OSER1: variants seen among roughly 807,000 people sequenced by gnomAD.
OSER1 encodes the protein oxidative stress-responsive serine-rich protein 1.
Under a neutral mutation model 26.3 loss-of-function variants are expected in OSER1, and 15 were observed. That is an observed-to-expected ratio of 0.57 (90% CI 0.38 to 0.88). The LOEUF is 0.88. OSER1 is among the 40% of genes least tolerant of loss of function. OSER1 has a pLI of 0.00. For missense variants in OSER1, 313 were observed against 353.9 expected, an observed-to-expected ratio of 0.88 and a Z score of 0.93; for synonymous variants, 127 against 128.2, an observed-to-expected ratio of 0.99 and a Z score of 0.07.
intron 3 of OSER1, among the ~76,000 whole-genome samples, chr20:44,200,758 A>G (rs1165797592): frequency 6.6e-6 from 1 of 152,242 alleles, no homozygotes; most frequent in Non-Finnish European, 1.5e-5. Context: ...TCCACATAAG[A>G]GACACTCTGT....
chr20:44,198,679 A>G (rs2072949669), intron 3 of OSER1, among the ~76,000 whole-genome samples: 1 of 152,146 alleles, frequency 6.6e-6, no homozygotes, highest in Admixed American at 6.5e-5. Context: ...GAATGAAAAG[A>G]AAAGATACTC....
At chr20:44,208,422 T>TAA (rs3037689) in intron 1 of OSER1, among the ~76,000 whole-genome samples, 199 of 131,382 alleles carry the variant, frequency 1.5e-3, no homozygotes, top group Middle Eastern at 0.011. Context: ...ATTCAGCTAC[T>TAA]AAAAAAAAAA....
intron 2 of OSER1, among the ~76,000 whole-genome samples, chr20:44,206,573 C>A (rs1413891883): frequency 6.6e-6 from 1 of 152,162 alleles, no homozygotes; most frequent in African/African-American, 2.4e-5. Context: ...GATAAAATCC[C>A]TAGTGGGACA....
chr20:44,202,078 G>A (rs950420502), intron 3 of OSER1, among the ~76,000 whole-genome samples: 4 of 152,124 alleles, frequency 2.6e-5, no homozygotes, highest in Non-Finnish European at 2.9e-5. Flanking sequence ...AACACAGAAC[G>A]CTTGAAAGAC....
chr20:44,198,185 A>C (rs567103455), intron 3 of OSER1, among the ~76,000 whole-genome samples: 22 of 152,348 alleles, frequency 1.4e-4, no homozygotes, highest in African/African-American at 5.3e-4. Context: ...TTATGCCATT[A>C]CTATTAAATA....
intron 1 of OSER1, among the ~76,000 whole-genome samples, chr20:44,207,909 T>C (rs2073054842): frequency 6.6e-6 from 1 of 152,222 alleles, no homozygotes; most frequent in Middle Eastern, 3.2e-3. Context: ...AGAAGTCTGT[T>C]AATAAACCCT....
At chr20:44,204,844 T>TC (rs2073022899) in intron 2 of OSER1, among the ~76,000 whole-genome samples, 1 of 148,138 alleles carries the variant, frequency 6.8e-6, no homozygotes, top group Admixed American at 6.8e-5. Flanking sequence ...TAATTTTACT[T>TC]TTTTTTTTTT....
rs1208258154 is a variant in OSER1, at chr20:44,196,098, T to A, written c.*954A>T. On this transcript the variant is annotated 3_prime_UTR_variant, in exon 4 of 4. Coordinates refer to ENST00000255174, the MANE Select transcript of OSER1 (RefSeq NM_016470.8). ...TTGGAGCCACCTGAAAAACAAGGAT[T>A]CATCATCCAGCTGAAACCGAAGACA... is the stretch of plus-strand genomic sequence containing the variant. Among the ~76,000 whole-genome samples the A allele has an allele frequency of 6.6e-6, 1 of 152,134 alleles. No individual in the cohort carries two copies. Among genetic ancestry groups the A allele is most frequent in the African/African-American group, 2.4e-5 (1 of 41,416 alleles).
At chr20:44,204,788 T>A (rs1024785992) in intron 2 of OSER1, among the ~76,000 whole-genome samples, 6 of 152,166 alleles carry the variant, frequency 3.9e-5, no homozygotes, top group African/African-American at 1.2e-4. Flanking sequence ...TTTTGAAAAA[T>A]TTTTAAATAA....
chr20:44,209,685 C>T (rs1207706681), intron 1 of OSER1, among the ~76,000 whole-genome samples: 7 of 152,194 alleles, frequency 4.6e-5, no homozygotes, highest in Non-Finnish European at 1.0e-4. Flanking sequence ...CAAAGTTCTT[C>T]TAAGTTCCTC....
chr20:44,211,011 C>T (rs1340854977), upstream of OSER1: 1 of 152,378 alleles, frequency 6.6e-6, no homozygotes, highest in Non-Finnish European at 1.5e-5. Context: ...CGGTTTGCCT[C>T]CTCCCAGTGG....
intron 3 of OSER1, among the ~76,000 whole-genome samples, chr20:44,200,269 G>C (rs2072967099): frequency 6.6e-6 from 1 of 152,086 alleles, no homozygotes; most frequent in African/African-American, 2.4e-5. Context: ...AGCCTCACTG[G>C]GACAGAAAGT....
At chr20:44,203,692 TTTCA>T (rs2073007606) in intron 2 of OSER1, among the ~76,000 whole-genome samples, 1 of 90,340 alleles carries the variant, frequency 1.1e-5, no homozygotes, top group Non-Finnish European at 2.0e-5. Context: ...TCCAGACTTT[TTTCA>T]CACACACACA....
At position 44,196,924 on chromosome 20, in the gene OSER1, T is replaced by C. The variant is rs996051132; in HGVS notation, c.*128A>G. The C allele has an allele frequency of 1.5e-6, 1 of 660,816 alleles. No individual in the cohort carries two copies. Among genetic ancestry groups the C allele is most frequent in the Non-Finnish European group, 2.6e-6 (1 of 381,000 alleles). 40.9% of individuals were successfully genotyped at this position (660,816 alleles called of 1,614,324 possible). A position where few individuals can be genotyped will look rare whatever the true frequency, so the allele number is the denominator to read the frequency against. ...AGATTAACTGAGATGCCAAGAAAAGTTTTTATTGCAAGCACAGTGAGCAGA... is the reference window on the plus strand; with the variant it reads ...AGATTAACTGAGATGCCAAGAAAAGCTTTTATTGCAAGCACAGTGAGCAGA... On this transcript the variant is annotated 3_prime_UTR_variant, in exon 4 of 4. Coordinates refer to ENST00000255174, the MANE Select transcript of OSER1 (RefSeq NM_016470.8).
chr20:44,202,525 T>C (rs1029476759), intron 3 of OSER1, among the ~76,000 whole-genome samples: 5 of 152,190 alleles, frequency 3.3e-5, no homozygotes, highest in African/African-American at 1.2e-4. Flanking sequence ...TCTAAACCTA[T>C]GCTATATAAA....
chr20:44,210,880 T>G (rs1175965303), upstream of OSER1: 3 of 151,912 alleles, frequency 2.0e-5, no homozygotes, highest in Admixed American at 1.3e-4. Context: ...CCCACCCCAG[T>G]GACTCGGCAG....
Position 44,197,303 on chromosome 20 carries a change from G to A in OSER1, c.628C>T (p.His210Tyr). Residue 210 changes from histidine to tyrosine, a missense_variant, in exon 4 of 4, where the codon CAT becomes TAT. This residue lies in a region of OSER1 where 300 missense variants were observed against 318.3 expected (regional missense o/e 0.94). Coordinates refer to ENST00000255174, the MANE Select transcript of OSER1 (RefSeq NM_016470.8). The part of the protein sequence containing the change: ...IGKECQCKRW[H>Y]DMEVYSFSGL... ...GAAAAGGAATACACTTCCATATCAT[G>A]CCATCTCTTACACTGGCATTCCTTG... 1 of 1,614,124 alleles carries A rather than the reference G, an allele frequency of 6.2e-7. No homozygotes were observed. Among genetic ancestry groups the A allele is most frequent in the Admixed American group, 1.7e-5 (1 of 60,026 alleles).
chr20:44,209,535 G>A (rs2073075653), intron 1 of OSER1, among the ~76,000 whole-genome samples: 1 of 152,180 alleles, frequency 6.6e-6, no homozygotes. Context: ...AGACAGTCTT[G>A]GCGTTTTCAC....
At position 44,197,582 on chromosome 20, in the gene OSER1, C is replaced by T. The variant is rs2072933747; in HGVS notation, c.349G>A (p.Gly117Ser). ...KHKSQTDSPD[G>S]SSGLGISSPK... is the part of the protein sequence containing the mutation. ...GATGAAATTCCCAGCCCACTGCTGC[C>T]ATCAGGTGAGTCAGTCTGGCTTTTG... Residue 117 changes from glycine (G) to serine (S), a missense_variant, in exon 4 of 4, where the codon GGC becomes AGC. Coordinates refer to ENST00000255174, the MANE Select transcript of OSER1 (RefSeq NM_016470.8). The T allele has an allele frequency of 3.1e-6, 5 of 1,614,196 alleles. No individual in the cohort carries two copies. Among genetic ancestry groups the T allele is most frequent in the Non-Finnish European group, 4.2e-6 (5 of 1,180,034 alleles).
Sources: allele counts gnomAD v4.1 joint callset (sites outside exome capture counted in the v4.1 genomes callset), GRCh38; gene constraint gnomAD v4.1.1; regional missense constraint gnomAD v4.1.1; transcripts MANE v1.5; gene names NCBI Gene and HGNC (gene_info 2026-07-23, HGNC 2026-07-21).